Variants in TMEM200A observed in about 807,000 individuals in gnomAD.
TMEM200A encodes two transmembrane C.
Under a neutral mutation model 24.3 loss-of-function variants are expected in TMEM200A, and 12 were observed. The observed-to-expected ratio is 0.49, with a 90% CI of 0.32 to 0.80. The LOEUF is 0.80. Ranked by LOEUF, TMEM200A falls within the 30% of genes least tolerant of loss-of-function variation. The pLI is 0.04. For missense variants in TMEM200A, 545 were observed against 614.4 expected (o/e 0.89, Z 1.19); for synonymous variants, 224 against 224.4 (o/e 1.00, Z 0.02).
intron 2 of TMEM200A, among the ~76,000 whole-genome samples, chr6:130,397,090 G>A (rs1778970707): frequency 1.3e-5 from 2 of 152,072 alleles, no homozygotes; most frequent in Admixed American, 6.6e-5. Context: ...AATACTTGTA[G>A]CTCTAGCTGA....
At chr6:130,392,136 C>T (rs939888191) in intron 2 of TMEM200A, among the ~76,000 whole-genome samples, 1 of 152,120 alleles carries the variant, frequency 6.6e-6, no homozygotes, top group Admixed American at 6.5e-5. Context: ...AGATTACCTA[C>T]CCTCTATCTC....
At chr6:130,396,486 A>C (rs947661882) in intron 2 of TMEM200A, among the ~76,000 whole-genome samples, 1 of 151,924 alleles carries the variant, frequency 6.6e-6, no homozygotes, top group African/African-American at 2.4e-5. Context: ...GGTTTTAGGA[A>C]GATAATACTT....
chr6:130,381,697 T>TG (rs1008563019), intron 1 of TMEM200A, among the ~76,000 whole-genome samples: 2 of 152,248 alleles, frequency 1.3e-5, no homozygotes, highest in Admixed American at 1.3e-4. Flanking sequence ...ACCTGGATGA[T>TG]GGGAGGCTAC....
chr6:130,409,034 G>A (rs530324416), intron 2 of TMEM200A, among the ~76,000 whole-genome samples: 5 of 152,188 alleles, frequency 3.3e-5, no homozygotes, highest in African/African-American at 1.2e-4. Context: ...CTCCTCTAAT[G>A]GGCAGTCCTT....
chr6:130,390,209 A>G (rs541257643), intron 2 of TMEM200A, among the ~76,000 whole-genome samples: 27 of 152,354 alleles, frequency 1.8e-4, no homozygotes, highest in Admixed American at 1.6e-3. Context: ...TAAGTCATAC[A>G]GTTTTGTTTA....
intron 2 of TMEM200A, among the ~76,000 whole-genome samples, chr6:130,417,366 C>A (rs1172662601): frequency 6.6e-6 from 1 of 152,110 alleles, no homozygotes; most frequent in Non-Finnish European, 1.5e-5. Context: ...AATTTGAGCA[C>A]AAATGGGTGG....
At chr6:130,388,773 C>T (rs1003045462) in intron 2 of TMEM200A, among the ~76,000 whole-genome samples, 1 of 152,008 alleles carries the variant, frequency 6.6e-6, no homozygotes, top group Non-Finnish European at 1.5e-5. Flanking sequence ...ATTAGAATAT[C>T]CTTACAGAAA....
chr6:130,384,816 C>A (rs1243224657), intron 1 of TMEM200A, among the ~76,000 whole-genome samples: 2 of 152,148 alleles, frequency 1.3e-5, no homozygotes, highest in Non-Finnish European at 1.5e-5. Flanking sequence ...AGGTAACTCT[C>A]CTATAAAATT....
At chr6:130,433,509 T>A (rs747396453) in intron 2 of TMEM200A, among the ~76,000 whole-genome samples, 1 of 152,208 alleles carries the variant, frequency 6.6e-6, no homozygotes, top group Non-Finnish European at 1.5e-5. Context: ...CATATGAATT[T>A]TCTTTTTTCA....
At chr6:130,428,563 ACT>A (rs1344457843) in intron 2 of TMEM200A, among the ~76,000 whole-genome samples, 1 of 151,972 alleles carries the variant, frequency 6.6e-6, no homozygotes, top group Non-Finnish European at 1.5e-5. Context: ...CTAGGTGAAA[ACT>A]CTTAATAAAG....
At chr6:130,405,482 C>G (rs541684555) in intron 2 of TMEM200A, among the ~76,000 whole-genome samples, 186 of 152,254 alleles carry the variant, frequency 1.2e-3, no homozygotes, top group African/African-American at 4.2e-3. Flanking sequence ...AATTCGACTA[C>G]TGCAGCAGTT....
chr6:130,400,118 A>G (rs1047550312), intron 2 of TMEM200A, among the ~76,000 whole-genome samples: 1 of 151,880 alleles, frequency 6.6e-6, no homozygotes, highest in Non-Finnish European at 1.5e-5. Context: ...ACACACACAC[A>G]CACACCACAG....
intron 2 of TMEM200A, among the ~76,000 whole-genome samples, chr6:130,413,514 C>G (rs1447312076): frequency 6.6e-6 from 1 of 152,042 alleles, no homozygotes; most frequent in East Asian, 1.9e-4. Flanking sequence ...GCACAGCCAT[C>G]CCCCCCACTA....
intron 1 of TMEM200A, among the ~76,000 whole-genome samples, chr6:130,375,703 A>G (rs760616615): frequency 6.6e-6 from 1 of 152,142 alleles, no homozygotes; most frequent in Non-Finnish European, 1.5e-5. Context: ...ATATTTGGGG[A>G]GGGGGCATTG....
At chr6:130,425,988 A>G (rs1779726634) in intron 2 of TMEM200A, among the ~76,000 whole-genome samples, 2 of 152,208 alleles carry the variant, frequency 1.3e-5, no homozygotes, top group African/African-American at 4.8e-5. Flanking sequence ...TCAAAAACTC[A>G]TAACACTATT....
At chr6:130,412,365 T>TGTCA (rs1779352807) in intron 2 of TMEM200A, among the ~76,000 whole-genome samples, 1 of 152,104 alleles carries the variant, frequency 6.6e-6, no homozygotes, top group South Asian at 2.1e-4. Flanking sequence ...TGCCTCTCAC[T>TGTCA]GTCAGTGCTG....
chr6:130,402,740 A>G (rs1335122938), intron 2 of TMEM200A, among the ~76,000 whole-genome samples: 1 of 152,100 alleles, frequency 6.6e-6, no homozygotes, highest in Non-Finnish European at 1.5e-5. Flanking sequence ...CAACTTATCT[A>G]CTTTTACAGA....
intron 2 of TMEM200A, among the ~76,000 whole-genome samples, chr6:130,411,230 G>A (rs1420957231): frequency 6.6e-6 from 1 of 151,880 alleles, no homozygotes; most frequent in Non-Finnish European, 1.5e-5. Context: ...TAAACCAGTA[G>A]TTGACTGTGT....
chr6:130,388,382 C>A (rs1408759460), intron 2 of TMEM200A, among the ~76,000 whole-genome samples: 3 of 152,098 alleles, frequency 2.0e-5, no homozygotes, highest in African/African-American at 4.8e-5. Context: ...AAAGTGATAA[C>A]CCCCTGGAAT....
Sources: allele counts gnomAD v4.1 joint callset (sites outside exome capture counted in the v4.1 genomes callset), GRCh38; gene constraint gnomAD v4.1.1; transcripts MANE v1.5; gene names NCBI Gene and HGNC (gene_info 2026-07-23, HGNC 2026-07-21).